The following LRP1B variants were observed in gnomAD, a reference collection of about 807,000 sequenced individuals.
LRP1B encodes the protein LDL receptor related protein 1B, also known as low-density lipoprotein receptor-related protein 1B.
A neutral mutation model predicts 556.6 loss-of-function variants in LRP1B; 217 were observed. The observed-to-expected ratio is 0.39, with a 90% confidence interval of 0.35 to 0.44. LRP1B has a LOEUF of 0.44. Ranked by LOEUF, LRP1B falls within the 20% of genes least tolerant of loss-of-function variation. The pLI is 1.00. For synonymous variants in LRP1B, 2,047 were observed against 1,865.8 expected (o/e 1.10, Z -2.50); for missense variants, 5,053 against 5,620.8 (o/e 0.90, Z 3.23).
chr2:140,663,115 T>C (rs1359693370), intron 41 of LRP1B, among the ~76,000 whole-genome samples: 1 of 152,196 alleles, frequency 6.6e-6, no homozygotes, highest in Non-Finnish European at 1.5e-5. Context: ...TTGCATGCTA[T>C]ATATAAAAAT....
chr2:140,257,050 A>G (rs1681726105), intron 86 of LRP1B, among the ~76,000 whole-genome samples: 1 of 152,084 alleles, frequency 6.6e-6, no homozygotes, highest in African/African-American at 2.4e-5. Context: ...ATATGATGAT[A>G]ATATCAGCAA....
At chr2:141,826,206 G>A (rs1239658184) in intron 1 of LRP1B, among the ~76,000 whole-genome samples, 2 of 151,380 alleles carry the variant, frequency 1.3e-5, no homozygotes. Context: ...AATTATCAGG[G>A]ATTTTAAAAA....
In LRP1B at chr2:142,130,882, C is replaced by A; in HGVS notation, c.-153G>T. The stretch of plus-strand genomic sequence containing the variant: ...AAATTCTTCAGCTCAATGAGTCCAG[C>A]CAGTCAGCCTTCTCCTGCCTGGAGC... On this transcript the variant is annotated 5_prime_UTR_variant, in exon 1 of 91. Transcript: ENST00000389484. The A allele has an allele frequency of 1.4e-6, 1 of 696,962 alleles. No individual in the cohort carries two copies. The highest frequency in any genetic ancestry group is 2.6e-6 in the Non-Finnish European group (1 of 386,698). The allele number at this position is 696,962 out of a possible 1,614,324, so 43.2% of individuals were successfully genotyped here.
At position 140,891,252 on chromosome 2, in the gene LRP1B, CTTCT is replaced by C. The variant is rs536946696; in HGVS notation, c.3767-4921_3767-4918del. ...ACTGTTATCTCCTATGTACAATTAT[CTTCT>C]TTGTTTTTCTTTTAGTCCCACTACA... On this transcript the variant is annotated intron_variant, in intron 23 of 90. Coordinates refer to ENST00000389484, the MANE Select transcript of LRP1B (RefSeq NM_018557.3). Among the ~76,000 whole-genome samples, 592 of 152,198 alleles carry C rather than the reference CTTCT, an allele frequency of 3.9e-3. 4 individuals carry two copies. Among genetic ancestry groups the C allele is most frequent in the Middle Eastern group, 0.027 (8 of 294 alleles).
At chr2:141,988,279 A>G (rs1381491966) in intron 1 of LRP1B, among the ~76,000 whole-genome samples, 1 of 151,816 alleles carries the variant, frequency 6.6e-6, no homozygotes, top group Non-Finnish European at 1.5e-5. Context: ...CTTTTAAATG[A>G]ATTACTGGTT....
chr2:140,694,275 A>AT (rs966675027), intron 41 of LRP1B, among the ~76,000 whole-genome samples: 1 of 152,100 alleles, frequency 6.6e-6, no homozygotes, highest in Non-Finnish European at 1.5e-5. Flanking sequence ...ATTACTTTAT[A>AT]TTTTTTTAAT....
chr2:141,207,145 C>A (rs1385609341), intron 6 of LRP1B, among the ~76,000 whole-genome samples: 4 of 152,088 alleles, frequency 2.6e-5, no homozygotes, highest in African/African-American at 9.7e-5. Context: ...TTCTAAAATT[C>A]TTTCCCTTAT....
chr2:141,484,523 G>T (rs1683047166), intron 2 of LRP1B, among the ~76,000 whole-genome samples: 1 of 152,012 alleles, frequency 6.6e-6, no homozygotes, highest in African/African-American at 2.4e-5. Context: ...ACTTGATGGG[G>T]ATGGCATTGA....
chr2:140,694,391 T>C (rs1453758259), intron 41 of LRP1B, among the ~76,000 whole-genome samples: 1 of 152,226 alleles, frequency 6.6e-6, no homozygotes, highest in East Asian at 1.9e-4. Flanking sequence ...ATTTCCTTAG[T>C]AGTCTGAAGA....
rs575472884 is a variant in LRP1B at position 140,446,270 on chromosome 2, C to G, written c.10058-1591G>C. On this transcript the variant is annotated intron_variant, in intron 63 of 90. Transcript: ENST00000389484. Reference sequence around the variant, plus strand: ...AAAGGTTGCAACTATTAAAGGAATGCTTTGAAATAACTTGGAAGCCCATCT... The same window carrying G: ...AAAGGTTGCAACTATTAAAGGAATGGTTTGAAATAACTTGGAAGCCCATCT... 1.2e-4 allele frequency among the ~76,000 whole-genome samples: 18 copies of G among 152,220 alleles called. No individual in the cohort carries two copies. The East Asian group carries it at 3.5e-3, about 29-fold the overall frequency.
At chr2:140,502,241 G>T (rs1689231944) in intron 54 of LRP1B, among the ~76,000 whole-genome samples, 2 of 151,952 alleles carry the variant, frequency 1.3e-5, no homozygotes, top group South Asian at 4.1e-4. Flanking sequence ...GAAATTATAT[G>T]TCACTAAAAA....
intron 87 of LRP1B, among the ~76,000 whole-genome samples, chr2:140,240,684 TA>T (rs1680912739): frequency 1.3e-5 from 2 of 151,022 alleles, no homozygotes; most frequent in Non-Finnish European, 3.0e-5. Flanking sequence ...CAAGTCAACT[TA>T]ATCACTGGTT....
intron 41 of LRP1B, among the ~76,000 whole-genome samples, chr2:140,654,025 C>CAAAAAA (rs61199077): frequency 1.7e-4 from 6 of 35,394 alleles, no homozygotes; most frequent in East Asian, 1.7e-3. Context: ...GACTCCATCT[C>CAAAAAA]AAAAAAAAAA....
At chr2:140,303,508 A>C (rs1237365523) in intron 83 of LRP1B, among the ~76,000 whole-genome samples, 1 of 151,992 alleles carries the variant, frequency 6.6e-6, no homozygotes, top group African/African-American at 2.4e-5. Context: ...CAGCCTCCCA[A>C]AGTGCTGGGA....
intron 1 of LRP1B, among the ~76,000 whole-genome samples, chr2:142,058,823 A>T (rs1171120258): frequency 6.6e-6 from 1 of 152,124 alleles, no homozygotes; most frequent in Non-Finnish European, 1.5e-5. Flanking sequence ...TAGTTTTAAC[A>T]CACAGCAGAA....
chr2:140,774,544 G>T (rs901413704), intron 33 of LRP1B, among the ~76,000 whole-genome samples: 1 of 152,068 alleles, frequency 6.6e-6, no homozygotes, highest in Non-Finnish European at 1.5e-5. Context: ...TGCTCTGTTT[G>T]GAAATTCTTT....
At chr2:141,340,754 C>A (rs1160541541) in intron 3 of LRP1B, among the ~76,000 whole-genome samples, 1 of 152,126 alleles carries the variant, frequency 6.6e-6, no homozygotes, top group Admixed American at 6.5e-5. Context: ...GTCAATACCC[C>A]TTGAAAAGTA....
intron 1 of LRP1B, among the ~76,000 whole-genome samples, chr2:141,951,192 T>C (rs1701094854): frequency 6.6e-6 from 1 of 152,202 alleles, no homozygotes; most frequent in Non-Finnish European, 1.5e-5. Flanking sequence ...TTTAAATCAC[T>C]ATTTTTTATT....
intron 42 of LRP1B, among the ~76,000 whole-genome samples, chr2:140,600,340 G>A (rs1682605282): frequency 6.6e-6 from 1 of 152,026 alleles, no homozygotes; most frequent in African/African-American, 2.4e-5. Context: ...AGTCTCCCAA[G>A]CTCCATGAGT....
Sources: allele counts gnomAD v4.1 joint callset (sites outside exome capture counted in the v4.1 genomes callset), GRCh38; gene constraint gnomAD v4.1.1; transcripts MANE v1.5; gene names NCBI Gene and HGNC (gene_info 2026-07-23, HGNC 2026-07-21).